NCOA1: variants seen among roughly 807,000 people sequenced by gnomAD.
NCOA1 encodes nuclear receptor coactivator 1.
Under a neutral mutation model 150.9 loss-of-function variants are expected in NCOA1, and 35 were observed. The ratio of observed to expected loss-of-function variants is 0.23; its 90% CI spans 0.18 to 0.31. The LOEUF (loss-of-function observed/expected upper bound fraction) is 0.31, where lower values mean the gene tolerates loss of function less well. NCOA1 is among the 10% of genes least tolerant of loss of function. NCOA1 has a pLI of 1.00. For missense variants in NCOA1, 1,491 were observed against 1,749.3 expected, an observed-to-expected ratio of 0.85 and a Z score of 2.63; for synonymous variants, 590 against 630.0, an observed-to-expected ratio of 0.94 and a Z score of 0.95.
intron 17 of NCOA1, among the ~76,000 whole-genome samples, chr2:24,731,052 AAAAG>A (rs2148645146): frequency 6.6e-6 from 1 of 151,634 alleles, no homozygotes; most frequent in East Asian, 1.9e-4. Context: ...AAAAAAAAAA[AAAAG>A]CCAGCTGTGG....
At chr2:24,689,147 A>G (rs1368938124) in intron 8 of NCOA1, among the ~76,000 whole-genome samples, 2 of 152,214 alleles carry the variant, frequency 1.3e-5, no homozygotes, top group East Asian at 3.9e-4. Context: ...TTGAAGTTAG[A>G]TAACATGATG....
chr2:24,640,519 T>C lies in NCOA1; in HGVS notation c.-174-3447T>C, dbSNP rs561177717. ...GCTCTGTTATTATTTGCATAACTTA[T>C]GATTCTGGCCGGGCATGGTGGCTCA... On this transcript the variant is annotated intron_variant, in intron 3 of 22. Transcript: ENST00000348332. 3.3e-4 allele frequency among the ~76,000 whole-genome samples: 51 copies of C among 152,312 alleles called. 1 individual carries two copies. In the South Asian group the frequency reaches 0.01, roughly 31 times the overall value.
intron 3 of NCOA1, among the ~76,000 whole-genome samples, chr2:24,591,608 C>A (rs1343050870): frequency 6.6e-6 from 1 of 152,022 alleles, no homozygotes; most frequent in East Asian, 1.9e-4. Context: ...TTCCTAGAGG[C>A]CAGGCTATCT....
rs1429418696 is a variant in NCOA1 at position 24,736,447 on chromosome 2, A to T, written c.3202-2985A>T. ...AGTCCAGATACGTATGTGTTAGGGT[A>T]CTGAACAAATGTACGTATCTGACAT... On this transcript the variant is annotated intron_variant, in intron 17 of 22. Transcript: ENST00000348332. Among the ~76,000 whole-genome samples the T allele has an allele frequency of 3.3e-5, 5 of 152,194 alleles. No individual in the cohort carries two copies. The East Asian group carries it at 5.8e-4, about 18-fold the overall frequency.
chr2:24,501,459 A>G (rs868150815), intron 1 of NCOA1, among the ~76,000 whole-genome samples: 2 of 152,316 alleles, frequency 1.3e-5, no homozygotes. Context: ...GAAAAGCACA[A>G]AGTTTTTGTG....
intron 8 of NCOA1, among the ~76,000 whole-genome samples, chr2:24,691,004 G>C (rs537044209): frequency 3.5e-4 from 54 of 152,256 alleles, no homozygotes; most frequent in African/African-American, 1.3e-3. Context: ...GACAGACTCT[G>C]AGAAAATTGA....
At chr2:24,742,482 G>A (rs932629584) in intron 19 of NCOA1, among the ~76,000 whole-genome samples, 1 of 151,406 alleles carries the variant, frequency 6.6e-6, no homozygotes, top group Non-Finnish European at 1.5e-5. Flanking sequence ...GTTAGATGCA[G>A]TCTCGCTCTG....
chr2:24,726,684 A>G lies in NCOA1; in HGVS notation c.2695A>G (p.Ile899Val), dbSNP rs1674642155. Residue 899 changes from isoleucine (I) to valine (V), a missense_variant, in exon 15 of 23, where the codon ATA (isoleucine) becomes GTA (valine). Coordinates refer to ENST00000348332, the MANE Select transcript of NCOA1 (RefSeq NM_003743.5). ...ATGGACAAATAATACAGTGACAGCT[A>G]TAAATCAGAGTAAATCAGAAGAGTA... ...IPWTNNTVTA[I>V]NQSKSEDQCI... 21 of 1,609,816 alleles carry G rather than the reference A, an allele frequency of 1.3e-5. No homozygotes were observed. The highest frequency in any genetic ancestry group is 1.7e-5 in the Non-Finnish European group (20 of 1,177,714).
chr2:24,689,682 C>T (rs1310472105), intron 8 of NCOA1, among the ~76,000 whole-genome samples: 1 of 152,226 alleles, frequency 6.6e-6, no homozygotes, highest in African/African-American at 2.4e-5. Flanking sequence ...TGAGCCGCCA[C>T]GCGTGGCACA....
rs1671533537 is a variant in NCOA1, at chr2:24,668,488, CA to C, written c.256+2574del. 3.3e-5 allele frequency among the ~76,000 whole-genome samples: 5 copies of C among 151,846 alleles called. No individual in the cohort carries two copies. The South Asian group carries it at 1.0e-3, about 32-fold the overall frequency. On this transcript the variant is annotated intron_variant, in intron 6 of 22. Transcript: ENST00000348332. ...ATAGGTTCAGATTTCTAAATAACAA[CA>C]TTGAAAACTAGAATTCTAGACCCAG... is the stretch of plus-strand genomic sequence containing the variant.
intron 3 of NCOA1, among the ~76,000 whole-genome samples, chr2:24,596,404 C>G (rs1252231446): frequency 6.6e-6 from 1 of 152,062 alleles, no homozygotes; most frequent in East Asian, 1.9e-4. Flanking sequence ...GCAGTTCTTA[C>G]AAAATAGTCC....
At chr2:24,747,796 CTA>C (rs1215274870) in intron 19 of NCOA1, among the ~76,000 whole-genome samples, 1 of 149,138 alleles carries the variant, frequency 6.7e-6, no homozygotes, top group East Asian at 2.0e-4. Context: ...AACCCACCCT[CTA>C]GAGTCATAAA....
chr2:24,651,510 A>G (rs1270987303), intron 4 of NCOA1, among the ~76,000 whole-genome samples: 2 of 152,104 alleles, frequency 1.3e-5, no homozygotes, highest in African/African-American at 4.8e-5. Flanking sequence ...ACAAAGGCAA[A>G]TATACAGAGA....
At chr2:24,502,691 G>A (rs182883090) in intron 1 of NCOA1, among the ~76,000 whole-genome samples, 3 of 152,158 alleles carry the variant, frequency 2.0e-5, no homozygotes, top group Admixed American at 2.0e-4. Flanking sequence ...TCAATTTTTT[G>A]TCCTCTAAAC....
chr2:24,574,172 A>G (rs1275526434), intron 2 of NCOA1, among the ~76,000 whole-genome samples: 1 of 152,132 alleles, frequency 6.6e-6, no homozygotes, highest in Non-Finnish European at 1.5e-5. Flanking sequence ...AGATATAAGA[A>G]TAGAAAAGAT....
intron 1 of NCOA1, among the ~76,000 whole-genome samples, chr2:24,556,372 C>T (rs1417101926): frequency 6.6e-6 from 1 of 152,110 alleles, no homozygotes; most frequent in Non-Finnish European, 1.5e-5. Flanking sequence ...GTATATGTAC[C>T]ACATTTTGTT....
chr2:24,579,587 A>T (rs1421266879), intron 2 of NCOA1, among the ~76,000 whole-genome samples: 1 of 152,190 alleles, frequency 6.6e-6, no homozygotes, highest in Non-Finnish European at 1.5e-5. Flanking sequence ...AGTCACAGAG[A>T]AGTGAGCCTA....
At chr2:24,501,975 G>A (rs1032532113) in intron 1 of NCOA1, among the ~76,000 whole-genome samples, 5 of 152,150 alleles carry the variant, frequency 3.3e-5, no homozygotes, top group African/African-American at 1.2e-4. Flanking sequence ...TGTGCAGTCT[G>A]TTTTTCCACT....
chr2:24,698,331 T>C (rs1267139595), intron 11 of NCOA1, among the ~76,000 whole-genome samples: 2 of 152,138 alleles, frequency 1.3e-5, no homozygotes, highest in Admixed American at 6.5e-5. Context: ...GCCTTCTAGA[T>C]AATACAGAGA....
Sources: gnomAD v4.1 joint callset for allele counts (sites outside exome capture counted in the v4.1 genomes callset) on GRCh38, gnomAD v4.1.1 for gene constraint, MANE v1.5 for transcripts, NCBI Gene and HGNC (gene_info 2026-07-23, HGNC 2026-07-21) for gene names.